Variants in RSRC1 observed in about 807,000 individuals in gnomAD.
RSRC1 encodes the protein serine/Arginine-related protein 53.
Under a neutral mutation model 49.1 loss-of-function variants are expected in RSRC1, and 39 were observed. The observed-to-expected ratio is 0.79, with a 90% CI of 0.61 to 1.04. The LOEUF is 1.04. Ranked by LOEUF, RSRC1 falls within the 50% of genes least tolerant of loss-of-function variation. The pLI is 0.00. For synonymous variants in RSRC1, 143 were observed against 130.8 expected, an observed-to-expected ratio of 1.09 and a Z score of -0.63; for missense variants, 388 against 402.4, an observed-to-expected ratio of 0.96 and a Z score of 0.31.
chr3:158,423,315 A>G (rs1210598968), intron 6 of RSRC1, among the ~76,000 whole-genome samples: 4 of 152,104 alleles, frequency 2.6e-5, no homozygotes, highest in Non-Finnish European at 5.9e-5. Flanking sequence ...TTTTCCCAGC[A>G]CCATTTATTA....
intron 6 of RSRC1, among the ~76,000 whole-genome samples, chr3:158,372,550 G>T (rs1732139785): frequency 6.6e-6 from 1 of 151,816 alleles, no homozygotes; most frequent in South Asian, 2.1e-4. Flanking sequence ...TCACTGTAGT[G>T]CTGTATGGAG....
At chr3:158,262,816 T>TTA (rs1276206567) in intron 4 of RSRC1, among the ~76,000 whole-genome samples, 1 of 152,094 alleles carries the variant, frequency 6.6e-6, no homozygotes, top group Non-Finnish European at 1.5e-5. Flanking sequence ...TTGAAATTAT[T>TTA]TATATATATT....
chr3:158,145,205 C>G (rs998584367), intron 3 of RSRC1, among the ~76,000 whole-genome samples: 1 of 152,106 alleles, frequency 6.6e-6, no homozygotes, highest in African/African-American at 2.4e-5. Context: ...AAGTCCTTGC[C>G]CATGCCTAAG....
intron 4 of RSRC1, among the ~76,000 whole-genome samples, chr3:158,259,387 C>G (rs1293776970): frequency 5.3e-5 from 8 of 152,048 alleles, no homozygotes; most frequent in Admixed American, 5.2e-4. Context: ...TTTTGGATTA[C>G]CACACAGAGA....
chr3:158,283,881 C>T (rs200667319), intron 4 of RSRC1, among the ~76,000 whole-genome samples: 1 of 147,992 alleles, frequency 6.8e-6, no homozygotes, highest in Non-Finnish European at 1.5e-5. Context: ...CATTTGTTTT[C>T]TTTTTTTTTT....
intron 3 of RSRC1, among the ~76,000 whole-genome samples, chr3:158,196,743 T>C (rs6762706): frequency 0.66 from 99,704 of 151,926 alleles, 32,957 homozygotes; most frequent in East Asian, 0.84. Context: ...GCCTTTTCTG[T>C]GTGTATTGAG....
chr3:158,409,932 T>TC (rs1226422446), intron 6 of RSRC1, among the ~76,000 whole-genome samples: 1 of 150,834 alleles, frequency 6.6e-6, no homozygotes, highest in East Asian at 1.9e-4. Flanking sequence ...CTTTTTTTTT[T>TC]AGTAAAAGAG....
At chr3:158,331,981 A>G (rs955613399) in intron 5 of RSRC1, among the ~76,000 whole-genome samples, 6 of 151,930 alleles carry the variant, frequency 3.9e-5, no homozygotes, top group Non-Finnish European at 7.4e-5. Flanking sequence ...ATTGTTATTA[A>G]TGTAGCAAAT....
At chr3:158,331,140 G>A (rs1729520088) in intron 5 of RSRC1, among the ~76,000 whole-genome samples, 1 of 152,204 alleles carries the variant, frequency 6.6e-6, no homozygotes, top group Non-Finnish European at 1.5e-5. Flanking sequence ...GGAATTATGA[G>A]AGCTACAATT....
At chr3:158,440,415 T>C (rs1294460037) in intron 6 of RSRC1, among the ~76,000 whole-genome samples, 1 of 152,102 alleles carries the variant, frequency 6.6e-6, no homozygotes, top group Non-Finnish European at 1.5e-5. Flanking sequence ...AGTCTAAATT[T>C]CTTTGCTTAG....
At chr3:158,154,664 C>T (rs540357924) in intron 3 of RSRC1, among the ~76,000 whole-genome samples, 1 of 152,168 alleles carries the variant, frequency 6.6e-6, no homozygotes, top group Non-Finnish European at 1.5e-5. Context: ...AGGTTTTCAC[C>T]ATGTTGGCCA....
intron 4 of RSRC1, among the ~76,000 whole-genome samples, chr3:158,229,213 TAC>T (rs770735369): frequency 5.3e-5 from 8 of 150,184 alleles, no homozygotes; most frequent in African/African-American, 9.7e-5. Context: ...TATATATGTA[TAC>T]ACACATACAC....
chr3:158,522,203 A>G (rs1295818980), intron 7 of RSRC1, among the ~76,000 whole-genome samples: 1 of 152,174 alleles, frequency 6.6e-6, no homozygotes, highest in African/African-American at 2.4e-5. Flanking sequence ...TGAAGATTTC[A>G]GTCTTCTCCA....
chr3:158,485,366 T>G (rs1186429080), intron 7 of RSRC1, among the ~76,000 whole-genome samples: 1 of 152,104 alleles, frequency 6.6e-6, no homozygotes, highest in Non-Finnish European at 1.5e-5. Flanking sequence ...AATATTTTAT[T>G]ATATACACAA....
intron 4 of RSRC1, among the ~76,000 whole-genome samples, chr3:158,254,597 A>G (rs1724423939): frequency 6.6e-6 from 1 of 151,758 alleles, no homozygotes; most frequent in South Asian, 2.1e-4. Context: ...ACGCCTGGCT[A>G]ATTTTTTGTA....
chr3:158,390,620 G>A (rs1029347801), intron 6 of RSRC1, among the ~76,000 whole-genome samples: 1 of 151,830 alleles, frequency 6.6e-6, no homozygotes, highest in African/African-American at 2.4e-5. Flanking sequence ...TATAATAATC[G>A]TAATATAAAT....
At chr3:158,520,683 C>T (rs1711607465) in intron 7 of RSRC1, among the ~76,000 whole-genome samples, 1 of 152,128 alleles carries the variant, frequency 6.6e-6, no homozygotes, top group Non-Finnish European at 1.5e-5. Flanking sequence ...CCTGTAAAAA[C>T]TCTTCTTGAA....
intron 4 of RSRC1, among the ~76,000 whole-genome samples, chr3:158,265,505 C>T (rs1559968111): frequency 6.6e-6 from 1 of 152,020 alleles, no homozygotes; most frequent in Non-Finnish European, 1.5e-5. Context: ...GTAACGGACA[C>T]CTGTAATCCC....
intron 6 of RSRC1, among the ~76,000 whole-genome samples, chr3:158,366,438 T>C (rs1731772233): frequency 6.6e-6 from 1 of 152,228 alleles, no homozygotes; most frequent in Non-Finnish European, 1.5e-5. Context: ...GTCAGGTTTG[T>C]CAAATATCAG....
Sources: allele counts gnomAD v4.1 joint callset (sites outside exome capture counted in the v4.1 genomes callset), GRCh38; gene constraint gnomAD v4.1.1; transcripts MANE v1.5; gene names NCBI Gene and HGNC (gene_info 2026-07-23, HGNC 2026-07-21).